The following KLF8 variants were observed in gnomAD, a reference collection of about 807,000 sequenced individuals.
The protein encoded by KLF8 is KLF transcription factor 8, also known as Krueppel-like factor 8.
Under a neutral mutation model 18.2 loss-of-function variants are expected in KLF8, and 10 were observed. The ratio of observed to expected loss-of-function variants is 0.55; its 90% CI spans 0.34 to 0.93. The LOEUF is 0.93. Among genes scored for constraint, KLF8 ranks in the 40% least tolerant of loss-of-function variants. The pLI is 0.02. For missense variants in KLF8, 264 were observed against 277.9 expected (o/e 0.95, Z 0.36); for synonymous variants, 109 against 97.3 (o/e 1.12, Z -0.71).
At chrX:55,988,650 T>G in the KLF8 span, among the ~76,000 whole-genome samples, 1 of 111,702 alleles carries the variant, frequency 9.0e-6, no homozygotes, top group African/African-American at 3.3e-5. Flanking sequence ...CCTCCAGCTT[T>G]GTTCTTTTGA....
the KLF8 span, among the ~76,000 whole-genome samples, chrX:55,966,910 C>T: frequency 1.5e-4 from 17 of 111,131 alleles, no homozygotes; most frequent in Admixed American, 5.8e-4. Context: ...GAATTCTATC[C>T]GATAAATTTA....
At chrX:55,971,269 A>T in the KLF8 span, among the ~76,000 whole-genome samples, 1 of 111,638 alleles carries the variant, frequency 9.0e-6, no homozygotes, top group Non-Finnish European at 1.9e-5. Context: ...ATGCATTTAC[A>T]GTGAACTCAT....
chrX:56,133,860 A>G, the KLF8 span, among the ~76,000 whole-genome samples: 1 of 110,795 alleles, frequency 9.0e-6, no homozygotes, highest in African/African-American at 3.3e-5. Flanking sequence ...TAGCTCTGCT[A>G]TACACCAACA....
the KLF8 span, among the ~76,000 whole-genome samples, chrX:56,190,578 TAACA>T: frequency 1.8e-5 from 2 of 111,467 alleles, no homozygotes; most frequent in East Asian, 2.8e-4. Flanking sequence ...ATATTTTAGG[TAACA>T]AACAAGTCTT....
the KLF8 span, among the ~76,000 whole-genome samples, chrX:56,107,432 TC>T: frequency 9.0e-6 from 1 of 111,356 alleles, no homozygotes; most frequent in Non-Finnish European, 1.9e-5. Flanking sequence ...AATGGCGGAC[TC>T]CCCTCTCCTA....
At chrX:56,234,296 C>T (rs968104578) in intron 1 of KLF8, among the ~76,000 whole-genome samples, 17 of 111,547 alleles carry the variant, frequency 1.5e-4, no homozygotes, top group African/African-American at 5.2e-4. Context: ...CTTTGAAACC[C>T]TAGTATCACC....
chrX:56,192,245 G>T, the KLF8 span, among the ~76,000 whole-genome samples: 1 of 111,547 alleles, frequency 9.0e-6, no homozygotes, highest in Non-Finnish European at 1.9e-5. Flanking sequence ...TAAAGAAAAT[G>T]CCTAGAAATT....
At chrX:56,178,409 A>G in the KLF8 span, among the ~76,000 whole-genome samples, 1 of 112,154 alleles carries the variant, frequency 8.9e-6, no homozygotes, top group South Asian at 3.7e-4. Context: ...GTAGATTGCA[A>G]AAACTTTCTC....
chrX:56,078,433 C>T, the KLF8 span, among the ~76,000 whole-genome samples: 1 of 111,912 alleles, frequency 8.9e-6, no homozygotes, highest in Admixed American at 9.5e-5. Flanking sequence ...TGTTTATATG[C>T]TGGATTACAT....
the KLF8 span, among the ~76,000 whole-genome samples, chrX:56,174,534 C>T: frequency 8.9e-6 from 1 of 111,911 alleles, no homozygotes; most frequent in Non-Finnish European, 1.9e-5. Flanking sequence ...CGATGTTCAT[C>T]AAGGATATTC....
the KLF8 span, among the ~76,000 whole-genome samples, chrX:56,204,310 T>C: frequency 8.9e-6 from 1 of 112,171 alleles, no homozygotes; most frequent in Non-Finnish European, 1.9e-5. Context: ...TCAGTTCTAG[T>C]AGCTTTTTTG....
rs1238573168 is a variant in KLF8 at position 56,288,311 on chromosome X, G to T, written c.*3817G>T. Among the ~76,000 whole-genome samples, 2 of 110,947 alleles carry T rather than the reference G, an allele frequency of 1.8e-5. No homozygotes were observed. The highest frequency in any genetic ancestry group is 6.6e-5 in the African/African-American group (2 of 30,525). On this transcript the variant is annotated 3_prime_UTR_variant, in exon 6 of 6. Coordinates refer to ENST00000468660, the MANE Select transcript of KLF8 (RefSeq NM_007250.5). ...ACATCTAATAGTCATATCTCCTTAG[G>T]ATCCTTTTGATTGTGACAGTTTCTC...
chrX:56,062,837 T>C, the KLF8 span, among the ~76,000 whole-genome samples: 1 of 111,332 alleles, frequency 9.0e-6, no homozygotes, highest in Non-Finnish European at 1.9e-5. Flanking sequence ...CACAGTCCCA[T>C]CTGTCTTGGA....
At chrX:56,061,545 C>T in the KLF8 span, among the ~76,000 whole-genome samples, 5 of 111,540 alleles carry the variant, frequency 4.5e-5, no homozygotes, top group African/African-American at 1.6e-4. Context: ...GTCATGATTT[C>T]CATTCTTTTT....
chrX:56,008,910 G>A, the KLF8 span, among the ~76,000 whole-genome samples: 1 of 112,082 alleles, frequency 8.9e-6, no homozygotes, highest in Non-Finnish European at 1.9e-5. Context: ...AGCAACTCCA[G>A]CCAGGGTTTT....
chrX:56,044,008 G>A, the KLF8 span, among the ~76,000 whole-genome samples: 2 of 108,954 alleles, frequency 1.8e-5, no homozygotes, highest in Non-Finnish European at 3.8e-5. Context: ...TGTTGATGTT[G>A]TTGTTGTTTT....
the KLF8 span, among the ~76,000 whole-genome samples, chrX:56,102,818 T>C: frequency 9.0e-6 from 1 of 110,770 alleles, no homozygotes; most frequent in Non-Finnish European, 1.9e-5. Context: ...TTGTTGCATA[T>C]GTATACATGT....
At chrX:56,177,548 C>T in the KLF8 span, among the ~76,000 whole-genome samples, 1 of 111,181 alleles carries the variant, frequency 9.0e-6, no homozygotes, top group Non-Finnish European at 1.9e-5. Context: ...ACTCGGGGGT[C>T]AGGGACCTAC....
chrX:56,053,531 A>T, the KLF8 span, among the ~76,000 whole-genome samples: 1 of 51,806 alleles, frequency 1.9e-5, no homozygotes, highest in East Asian at 7.2e-4. Flanking sequence ...ATTTAGGGAG[A>T]AGTCTTTTCT....
Sources: gnomAD v4.1 joint callset for allele counts (sites outside exome capture counted in the v4.1 genomes callset) on GRCh38, gnomAD v4.1.1 for gene constraint, MANE v1.5 for transcripts, NCBI Gene and HGNC (gene_info 2026-07-23, HGNC 2026-07-21) for gene names.